ZMYM2: variants seen among roughly 807,000 people sequenced by gnomAD.
The protein encoded by ZMYM2 is zinc finger MYM-type containing 2.
ZMYM2 carries 56 observed loss-of-function variants against 162.8 expected under a neutral mutation model. The ratio of observed to expected loss-of-function variants is 0.34; its 90% CI spans 0.28 to 0.43. The LOEUF (loss-of-function observed/expected upper bound fraction) is 0.43, where lower values mean the gene tolerates loss of function less well. Ranked by LOEUF, ZMYM2 falls within the 20% of genes least tolerant of loss-of-function variation. ZMYM2 has a pLI of 1.00. For synonymous variants in ZMYM2, 510 were observed against 541.6 expected (o/e 0.94, Z 0.81); for missense variants, 1,275 against 1,621.8 (o/e 0.79, Z 3.67).
chr13:20,031,016 T>A (rs995032785), intron 9 of ZMYM2, among the ~76,000 whole-genome samples: 2 of 152,196 alleles, frequency 1.3e-5, no homozygotes, highest in African/African-American at 4.8e-5. Flanking sequence ...ACCTCACTAT[T>A]ATTTGCTTAC....
chr13:19,944,115 A>G, the ZMYM2 span, among the ~76,000 whole-genome samples: 1 of 152,176 alleles, frequency 6.6e-6, no homozygotes, highest in Non-Finnish European at 1.5e-5. Flanking sequence ...TTTGCTGTGC[A>G]TATCTAGAAG....
At chr13:19,934,595 G>A in the ZMYM2 span, among the ~76,000 whole-genome samples, 60 of 152,104 alleles carry the variant, frequency 3.9e-4, no homozygotes, top group South Asian at 2.1e-3. Context: ...TATAATTTTA[G>A]TTTGGAGTTT....
the ZMYM2 span, among the ~76,000 whole-genome samples, chr13:19,884,294 C>A: frequency 0.082 from 12,529 of 152,132 alleles, 556 homozygotes; most frequent in Middle Eastern, 0.12. Flanking sequence ...ACGCCAGTGG[C>A]GGGGTGCTGT....
intron 12 of ZMYM2, among the ~76,000 whole-genome samples, chr13:20,045,210 T>C (rs888045024): frequency 2.6e-5 from 4 of 152,134 alleles, no homozygotes; most frequent in African/African-American, 9.7e-5. Context: ...ACTAGGAGAA[T>C]TGCAGGAGTT....
intron 14 of ZMYM2, among the ~76,000 whole-genome samples, chr13:20,054,465 A>C (rs142343607): frequency 1.8e-4 from 27 of 152,294 alleles, no homozygotes; most frequent in Admixed American, 1.7e-3. Flanking sequence ...GGGAGTGATA[A>C]AAAGTCCTAC....
chr13:19,884,767 G>A, the ZMYM2 span, among the ~76,000 whole-genome samples: 11 of 151,946 alleles, frequency 7.2e-5, no homozygotes, highest in Non-Finnish European at 1.2e-4. Context: ...CTTCAACATA[G>A]TGCCGACGCC....
intron 6 of ZMYM2, among the ~76,000 whole-genome samples, chr13:20,017,536 A>G (rs570261049): frequency 6.6e-6 from 1 of 151,840 alleles, no homozygotes; most frequent in East Asian, 1.9e-4. Context: ...GACATTTCAA[A>G]CAGTAGTGTT....
At chr13:19,873,895 A>G in the ZMYM2 span, among the ~76,000 whole-genome samples, 2 of 152,240 alleles carry the variant, frequency 1.3e-5, no homozygotes, top group Non-Finnish European at 2.9e-5. Context: ...CTGGCACCCA[A>G]TAGATACTCA....
the ZMYM2 span, among the ~76,000 whole-genome samples, chr13:19,889,404 T>C: frequency 1.3e-5 from 2 of 151,968 alleles, no homozygotes; most frequent in Admixed American, 1.3e-4. Context: ...CTGCAACCTC[T>C]GCCTCCCGGG....
intron 2 of ZMYM2, among the ~76,000 whole-genome samples, chr13:19,990,694 A>G (rs1242882804): frequency 1.3e-5 from 2 of 152,202 alleles, no homozygotes; most frequent in Non-Finnish European, 2.9e-5. Flanking sequence ...AATACATATT[A>G]GTCTCTTTTT....
chr13:19,965,088 A>T (rs993535948), intron 2 of ZMYM2: 15 of 83,318 alleles, frequency 1.8e-4, no homozygotes, highest in Admixed American at 8.5e-4. Flanking sequence ...AAGTATAATA[A>T]AAAAAAAAAA....
rs1370881112 is a variant in ZMYM2 at position 20,088,632 on chromosome 13, T to TC, written c.*2620dup. On this transcript the variant is annotated 3_prime_UTR_variant, in exon 25 of 25. Transcript: ENST00000610343. Reference sequence around the variant, plus strand: ...TAGGCAAGAAGCTCAACTTTTTTTTTCCATAAAAATAATTTTTGCTTAAAT... The same window carrying TC: ...TAGGCAAGAAGCTCAACTTTTTTTTTCCCATAAAAATAATTTTTGCTTAAAT... 3 of 194,662 alleles carry TC rather than the reference T, an allele frequency of 1.5e-5. No individual in the cohort carries two copies. Among genetic ancestry groups the TC allele is most frequent in the Non-Finnish European group, 3.2e-5 (3 of 93,500 alleles). The allele number at this position is 194,662 out of a possible 1,614,324, so 12.1% of individuals were successfully genotyped here.
intron 21 of ZMYM2, among the ~76,000 whole-genome samples, chr13:20,071,341 A>G (rs1346578563): frequency 6.6e-6 from 1 of 152,238 alleles, no homozygotes; most frequent in African/African-American, 2.4e-5. Flanking sequence ...AAAGGATTGG[A>G]CAAAATGCGT....
At chr13:19,963,179 CAAGTGTTTTCTCTCATTG>C (rs1272586170) in intron 2 of ZMYM2, among the ~76,000 whole-genome samples, 1 of 152,112 alleles carries the variant, frequency 6.6e-6, no homozygotes, top group Non-Finnish European at 1.5e-5. Flanking sequence ...AGCCCAAACT[CAAGTGTTTTCTCTCATTG>C]GATTCACAAA....
intron 2 of ZMYM2, among the ~76,000 whole-genome samples, chr13:19,975,176 TA>T (rs11291950): frequency 0.82 from 116,897 of 142,350 alleles, 48,026 homozygotes; most frequent in South Asian, 0.92. Context: ...CTTCTTTTCT[TA>T]AAAAAAAAAA....
At position 20,018,496 on chromosome 13, in the gene ZMYM2, C is replaced by G. The variant is rs138049828; in HGVS notation, c.1513-1051C>G. ...ATCCTTCCTTACTTTCCTCTCACCC[C>G]CTTTGTCCTTTGTCTGTTATATTTA... On this transcript the variant is annotated intron_variant, in intron 6 of 24. Transcript: ENST00000610343. Among the ~76,000 whole-genome samples, 4 of 152,234 alleles carry G rather than the reference C, an allele frequency of 2.6e-5. No individual in the cohort carries two copies. The East Asian group carries it at 5.8e-4, about 22-fold the overall frequency.
intron 2 of ZMYM2, among the ~76,000 whole-genome samples, chr13:19,962,824 A>ATT (rs34502556): frequency 0.037 from 4,235 of 113,434 alleles, 241 homozygotes; most frequent in Non-Finnish European, 0.045. Flanking sequence ...TTGCCCAGCC[A>ATT]TTTTTTTTTT....
the ZMYM2 span, among the ~76,000 whole-genome samples, chr13:19,918,703 A>T: frequency 4.0e-5 from 6 of 151,686 alleles, no homozygotes; most frequent in African/African-American, 1.5e-4. Flanking sequence ...TTCATCATAT[A>T]GGTCAGGCTG....
the ZMYM2 span, among the ~76,000 whole-genome samples, chr13:19,912,409 T>A: frequency 6.7e-6 from 1 of 149,498 alleles, no homozygotes; most frequent in Non-Finnish European, 1.5e-5. Context: ...CACAGCTCAC[T>A]GCAGCCTCAA....
Sources: gnomAD v4.1 joint callset for allele counts (sites outside exome capture counted in the v4.1 genomes callset) on GRCh38, gnomAD v4.1.1 for gene constraint, MANE v1.5 for transcripts, NCBI Gene and HGNC (gene_info 2026-07-23, HGNC 2026-07-21) for gene names.